Variants in ANO3 observed in about 807,000 individuals in gnomAD.
ANO3 encodes anoctamin-3.
Under a neutral mutation model 144.8 loss-of-function variants are expected in ANO3, and 99 were observed. That is an observed-to-expected ratio of 0.68 (90% CI 0.58 to 0.81). The LOEUF is 0.81. ANO3 is among the 30% of genes least tolerant of loss of function. The pLI, the probability that ANO3 is intolerant of heterozygous loss-of-function variation, is 0.00. For synonymous variants in ANO3, 414 were observed against 392.6 expected, an observed-to-expected ratio of 1.05 and a Z score of -0.64; for missense variants, 905 against 1,202.2, an observed-to-expected ratio of 0.75 and a Z score of 3.66.
At chr11:26,652,013 T>G (rs549617495) in intron 24 of ANO3, among the ~76,000 whole-genome samples, 2 of 152,300 alleles carry the variant, frequency 1.3e-5, no homozygotes, top group African/African-American at 4.8e-5. Context: ...ACAAACCAGT[T>G]GCCCAATCAC....
At chr11:26,566,366 A>G (rs2134271798) in intron 14 of ANO3, among the ~76,000 whole-genome samples, 1 of 152,152 alleles carries the variant, frequency 6.6e-6, no homozygotes, top group Non-Finnish European at 1.5e-5. Flanking sequence ...TATTATGAAA[A>G]TGACATTACT....
intron 4 of ANO3, among the ~76,000 whole-genome samples, chr11:26,476,903 A>ATGTGTGTGTGTG (rs61676196): frequency 7.1e-6 from 1 of 141,426 alleles, no homozygotes; most frequent in Non-Finnish European, 1.5e-5. Context: ...GTGTGTGTGT[A>ATGTGTGTGTGTG]TGTGTGTGTG....
chr11:26,464,018 T>G (rs1481691170), intron 4 of ANO3, among the ~76,000 whole-genome samples: 1 of 151,916 alleles, frequency 6.6e-6, no homozygotes, highest in Non-Finnish European at 1.5e-5. Flanking sequence ...ACTGCATGGC[T>G]AATAATCACA....
chr11:26,579,735 A>T (rs1851080904), intron 14 of ANO3, among the ~76,000 whole-genome samples: 1 of 152,060 alleles, frequency 6.6e-6, no homozygotes. Flanking sequence ...CTTTTTTTTC[A>T]TGAAAAAGAT....
At chr11:26,270,139 T>C (rs1178298287) in intron 1 of ANO3, among the ~76,000 whole-genome samples, 1 of 152,226 alleles carries the variant, frequency 6.6e-6, no homozygotes, top group Non-Finnish European at 1.5e-5. Context: ...TTCATTTTTC[T>C]TTTGAATTTG....
chr11:26,371,354 A>G (rs1289536940), intron 1 of ANO3, among the ~76,000 whole-genome samples: 1 of 152,228 alleles, frequency 6.6e-6, no homozygotes, highest in Non-Finnish European at 1.5e-5. Flanking sequence ...ATGCTTGGAC[A>G]TGCCTGGATG....
At chr11:26,425,119 G>T (rs1048716922) in intron 1 of ANO3, among the ~76,000 whole-genome samples, 1 of 148,828 alleles carries the variant, frequency 6.7e-6, no homozygotes, top group Non-Finnish European at 1.5e-5. Context: ...GTTACAGAAA[G>T]CTAAGAGACT....
chr11:26,447,930 T>C (rs552489106), intron 3 of ANO3, among the ~76,000 whole-genome samples: 67 of 152,320 alleles, frequency 4.4e-4, no homozygotes, highest in African/African-American at 1.6e-3. Flanking sequence ...AAGGACACAG[T>C]AATCCACGTT....
At chr11:26,510,690 A>T (rs1861630621) in intron 5 of ANO3, among the ~76,000 whole-genome samples, 2 of 152,184 alleles carry the variant, frequency 1.3e-5, no homozygotes, top group Non-Finnish European at 2.9e-5. Context: ...GCCTTGACTA[A>T]ATTTACAGTC....
At chr11:26,235,895 T>C (rs1162675097) in intron 1 of ANO3, among the ~76,000 whole-genome samples, 1 of 152,128 alleles carries the variant, frequency 6.6e-6, no homozygotes, top group Non-Finnish European at 1.5e-5. Flanking sequence ...CTCCATTCTA[T>C]AGTTTTCCCC....
intron 14 of ANO3, among the ~76,000 whole-genome samples, chr11:26,570,824 C>T (rs191905023): frequency 4.1e-4 from 62 of 152,042 alleles, no homozygotes; most frequent in African/African-American, 1.4e-3. Context: ...TTTTTAGTTT[C>T]CTAAATTCAA....
At chr11:26,509,383 T>C (rs1292825848) in intron 5 of ANO3, among the ~76,000 whole-genome samples, 6 of 152,098 alleles carry the variant, frequency 3.9e-5, no homozygotes, top group Non-Finnish European at 8.8e-5. Context: ...TGGCGCGATC[T>C]TGGCTTAATG....
chr11:26,346,748 T>C (rs1009526810), intron 1 of ANO3, among the ~76,000 whole-genome samples: 4 of 152,176 alleles, frequency 2.6e-5, no homozygotes, highest in African/African-American at 9.7e-5. Context: ...AGATTTGACA[T>C]CTGCTGAGGA....
intron 1 of ANO3, among the ~76,000 whole-genome samples, chr11:26,407,368 A>T (rs1385909386): frequency 6.6e-6 from 1 of 151,678 alleles, no homozygotes; most frequent in Non-Finnish European, 1.5e-5. Flanking sequence ...CCCACTTGGA[A>T]CAAATGGGTG....
intron 1 of ANO3, among the ~76,000 whole-genome samples, chr11:26,271,753 A>G (rs1853443716): frequency 7.3e-6 from 1 of 136,550 alleles, no homozygotes; most frequent in Non-Finnish European, 1.7e-5. Flanking sequence ...TTCTTCTAAA[A>G]TTATTTAAGG....
intron 14 of ANO3, among the ~76,000 whole-genome samples, chr11:26,590,583 C>A (rs1211715564): frequency 1.3e-5 from 2 of 152,162 alleles, no homozygotes; most frequent in African/African-American, 2.4e-5. Flanking sequence ...ACCTTGGGCC[C>A]TGTGGTGAGT....
At chr11:26,543,990 A>T (rs1446220525) in intron 11 of ANO3, among the ~76,000 whole-genome samples, 1 of 151,742 alleles carries the variant, frequency 6.6e-6, no homozygotes, top group Non-Finnish European at 1.5e-5. Context: ...TAGTCTGATG[A>T]TCACAAGAAA....
At chr11:26,209,725 ATT>A (rs1851892310) in intron 1 of ANO3, among the ~76,000 whole-genome samples, 1 of 152,140 alleles carries the variant, frequency 6.6e-6, no homozygotes. Context: ...TTTGATTTGC[ATT>A]TCTCTAATGG....
At position 26,303,112 on chromosome 11, in the gene ANO3, G is replaced by T. The variant is rs141386915; in HGVS notation, c.155-6533G>T. 1.1e-4 allele frequency among the ~76,000 whole-genome samples: 16 copies of T among 152,334 alleles called. No homozygotes were observed. In the East Asian group the frequency reaches 3.1e-3, roughly 29 times the overall value. ...GTTGGTGGAAATGTCAATTAGTTCAGCCACTGTGGAAAACAGTTTGGAGAT... is the reference window on the plus strand; with the variant it reads ...GTTGGTGGAAATGTCAATTAGTTCATCCACTGTGGAAAACAGTTTGGAGAT... On this transcript the variant is annotated intron_variant, in intron 1 of 27. Transcript: ENST00000672621.
Sources: allele counts gnomAD v4.1 joint callset (sites outside exome capture counted in the v4.1 genomes callset), GRCh38; gene constraint gnomAD v4.1.1; transcripts MANE v1.5; gene names NCBI Gene and HGNC (gene_info 2026-07-23, HGNC 2026-07-21).